WDR45: variants seen among roughly 807,000 people sequenced by gnomAD.
WDR45 encodes the protein WD repeat domain 45, also known as WD repeat domain phosphoinositide-interacting protein 4.
In WDR45, 2 loss-of-function variants were observed where a neutral mutation model predicts 27.3. That is an observed-to-expected ratio of 0.07 (90% CI 0.03 to 0.23). WDR45 has a LOEUF of 0.23. Ranked by LOEUF, WDR45 falls within the 10% of genes least tolerant of loss-of-function variation. WDR45 has a pLI of 1.00. For missense variants in WDR45, 175 were observed against 311.9 expected, an observed-to-expected ratio of 0.56 and a Z score of 3.31; for synonymous variants, 99 against 119.2, an observed-to-expected ratio of 0.83 and a Z score of 1.11.
chrX:49,100,907 C>T (rs782669137), intron 1 of WDR45: 1 of 112,986 alleles, frequency 8.9e-6, no homozygotes, highest in East Asian at 2.8e-4. Flanking sequence ...CAAAGCCACA[C>T]TTTCCGGAGT....
intron 2 of WDR45, among the ~76,000 whole-genome samples, chrX:49,095,026 G>C (rs938318471): frequency 9.2e-6 from 1 of 109,009 alleles, no homozygotes; most frequent in African/African-American, 3.3e-5. Flanking sequence ...GACCTCAGGT[G>C]ATCTGCCTGC....
intron 2 of WDR45, among the ~76,000 whole-genome samples, chrX:49,086,434 T>A (rs111726761): frequency 2.7e-5 from 3 of 111,294 alleles, no homozygotes; most frequent in African/African-American, 9.8e-5. Context: ...ATTACAGGCA[T>A]GAACCACCGT....
chrX:49,083,316 G>GTTTT (rs781995765), upstream of WDR45, among the ~76,000 whole-genome samples: 16 of 72,019 alleles, frequency 2.2e-4, 1 homozygote, highest in African/African-American at 6.1e-4. Flanking sequence ...CCGGCCTCTC[G>GTTTT]TTTTTTTTTT....
At chrX:49,077,042 C>A (rs2065042244) in intron 4 of WDR45, 2 of 315,090 alleles carry the variant, frequency 6.3e-6, no homozygotes, top group Non-Finnish European at 1.1e-5. Flanking sequence ...CACACTCAGG[C>A]CTGTAACTTC....
chrX:49,080,481 C>T (rs1557084934), upstream of WDR45, among the ~76,000 whole-genome samples: 1 of 112,210 alleles, frequency 8.9e-6, no homozygotes, highest in African/African-American at 3.2e-5. Context: ...CTCGCTCTGT[C>T]TCCCAGGCTG....
intron 2 of WDR45, among the ~76,000 whole-genome samples, chrX:49,098,814 C>T (rs2065135264): frequency 9.0e-6 from 1 of 110,696 alleles, no homozygotes; most frequent in African/African-American, 3.3e-5. Context: ...CTCTACCCCC[C>T]CACCAAAAAA....
chrX:49,083,673 C>T (rs1557085547), upstream of WDR45, among the ~76,000 whole-genome samples: 38 of 110,317 alleles, frequency 3.4e-4, 1 homozygote, highest in East Asian at 2.9e-4. Flanking sequence ...TGTGGCCAGG[C>T]GTGGTGGCTC....
intron 2 of WDR45, among the ~76,000 whole-genome samples, chrX:49,085,966 ATC>A (rs1292955831): frequency 8.9e-6 from 1 of 112,588 alleles, no homozygotes; most frequent in Non-Finnish European, 1.9e-5. Context: ...TTGTATCTAT[ATC>A]TCAGAGAAAA....
chrX:49,074,542 G>C lies in WDR45; in HGVS notation c.*261C>G. On this transcript the variant is annotated 3_prime_UTR_variant, in exon 11 of 11. Transcript: ENST00000376372. Reference sequence around the variant, plus strand: ...AGGTTGGATTAGGGCACTCCCTCTGGGTCCCTGGCAATTTCCTCCAGGTTA... The same window carrying C: ...AGGTTGGATTAGGGCACTCCCTCTGCGTCCCTGGCAATTTCCTCCAGGTTA... 2.5e-6 allele frequency: 1 copy of C among 395,228 alleles called. No individual in the cohort carries two copies. Among genetic ancestry groups the C allele is most frequent in the East Asian group, 4.0e-5 (1 of 24,817 alleles). The allele number at this position is 395,228 out of a possible 1,213,427, so 32.6% of individuals were successfully genotyped here.
At chrX:49,089,577 T>C (rs1279297937) in intron 2 of WDR45, among the ~76,000 whole-genome samples, 5 of 109,949 alleles carry the variant, frequency 4.5e-5, no homozygotes, top group Non-Finnish European at 7.6e-5. Context: ...GTATTTTTAG[T>C]ACACACAGAG....
chrX:49,094,507 C>T (rs929704550), intron 2 of WDR45, among the ~76,000 whole-genome samples: 1 of 110,311 alleles, frequency 9.1e-6, no homozygotes, highest in Non-Finnish European at 1.9e-5. Flanking sequence ...CGGGGTTTCC[C>T]CACGTTGCCC....
upstream of WDR45, among the ~76,000 whole-genome samples, chrX:49,082,880 A>ATT (rs145907950): frequency 7.5e-5 from 7 of 93,765 alleles, no homozygotes; most frequent in Admixed American, 1.2e-4. Context: ...CGCCCAGCTA[A>ATT]TTTTTTTTTT....
chrX:49,093,593 T>G (rs2065115046), intron 2 of WDR45, among the ~76,000 whole-genome samples: 1 of 106,417 alleles, frequency 9.4e-6, no homozygotes, highest in African/African-American at 3.4e-5. Flanking sequence ...AGTGCAGTGG[T>G]GTGATCATAG....
At chrX:49,087,028 C>T (rs1364189934) in intron 2 of WDR45, among the ~76,000 whole-genome samples, 1 of 109,719 alleles carries the variant, frequency 9.1e-6, no homozygotes, top group Non-Finnish European at 1.9e-5. Context: ...CATCAGTATA[C>T]TGTTTTTGTT....
intron 2 of WDR45, among the ~76,000 whole-genome samples, chrX:49,092,859 T>G (rs2065112209): frequency 8.9e-6 from 1 of 112,586 alleles, no homozygotes; most frequent in African/African-American, 3.2e-5. Context: ...CTGAGGTGCC[T>G]CAACACAGTT....
chrX:49,086,379 C>T (rs1207629485), intron 2 of WDR45, among the ~76,000 whole-genome samples: 2 of 111,088 alleles, frequency 1.8e-5, no homozygotes, highest in Non-Finnish European at 3.8e-5. Flanking sequence ...TCTCGAACTC[C>T]TGACCTCAAG....
chrX:49,076,343 G>A (rs1434081567), intron 6 of WDR45, 87 bp downstream of exon 6: 10 of 956,845 alleles, frequency 1.0e-5, no homozygotes, highest in East Asian at 3.1e-5. Flanking sequence ...CTGTGTGTGA[G>A]TGCCCCTTCC....
upstream of WDR45, among the ~76,000 whole-genome samples, chrX:49,084,573 T>C (rs73209772): frequency 3.6e-5 from 4 of 109,906 alleles, no homozygotes; most frequent in Non-Finnish European, 7.6e-5. Flanking sequence ...GGGACCAACT[T>C]TGTCCTCTCA....
chrX:49,080,808 TAA>T (rs374071162), upstream of WDR45, among the ~76,000 whole-genome samples: 3,457 of 81,171 alleles, frequency 0.043, 72 homozygotes, highest in Non-Finnish European at 0.056. Context: ...TGCTTTGGGT[TAA>T]AAAAAAAAAA....
Sources: allele counts gnomAD v4.1 joint callset (sites outside exome capture counted in the v4.1 genomes callset), GRCh38; gene constraint gnomAD v4.1.1; transcripts MANE v1.5; gene names NCBI Gene and HGNC (gene_info 2026-07-23, HGNC 2026-07-21).